Variants in PTK2 observed in about 807,000 individuals in gnomAD.
PTK2 encodes the protein protein tyrosine kinase 2.
Under a neutral mutation model 150.1 loss-of-function variants are expected in PTK2, and 45 were observed. The observed-to-expected ratio is 0.30, with a 90% CI of 0.24 to 0.38. PTK2 has a LOEUF of 0.38. Ranked by LOEUF, PTK2 falls within the 10% of genes least tolerant of loss-of-function variation. PTK2 has a pLI of 1.00. For missense variants in PTK2, 919 were observed against 1,307.3 expected, an observed-to-expected ratio of 0.70 and a Z score of 4.58; for synonymous variants, 432 against 449.2, an observed-to-expected ratio of 0.96 and a Z score of 0.48.
intron 31 of PTK2, chr8:140,660,547 AAC>A (rs2078059025): frequency 2.2e-6 from 1 of 449,682 alleles, no homozygotes; most frequent in Non-Finnish European, 4.5e-6. Context: ...AACATGGTGA[AAC>A]CCCATCTCTA....
chr8:140,967,444 TC>T, intron 1 of PTK2, among the ~76,000 whole-genome samples: 1 of 136,436 alleles, frequency 7.3e-6, no homozygotes, highest in East Asian at 2.1e-4. Flanking sequence ...ACCCAGTATT[TC>T]TTTCTTTCTT....
At chr8:140,759,907 G>C (rs1399553422) in intron 16 of PTK2, among the ~76,000 whole-genome samples, 2 of 150,256 alleles carry the variant, frequency 1.3e-5, no homozygotes, top group Admixed American at 1.3e-4. Flanking sequence ...CCACTAATAG[G>C]CATATACAAA....
intron 2 of PTK2, among the ~76,000 whole-genome samples, chr8:140,906,923 C>T (rs1168343591): frequency 3.4e-4 from 52 of 152,036 alleles, no homozygotes; most frequent in Non-Finnish European, 5.9e-5. Flanking sequence ...TATTTACATA[C>T]CAATAACAAG....
At chr8:140,852,566 T>C (rs1314627443) in intron 5 of PTK2, among the ~76,000 whole-genome samples, 1 of 152,232 alleles carries the variant, frequency 6.6e-6, no homozygotes, top group Non-Finnish European at 1.5e-5. Context: ...TGGTAATTAC[T>C]GGACTGTATA....
intron 2 of PTK2, among the ~76,000 whole-genome samples, chr8:140,895,239 T>C (rs2100155686): frequency 1.3e-5 from 2 of 152,190 alleles, no homozygotes; most frequent in South Asian, 2.1e-4. Context: ...GTAAAATCTA[T>C]ACATTTGGCA....
chr8:140,816,835 A>T (rs1158994956), intron 10 of PTK2, among the ~76,000 whole-genome samples: 1 of 152,238 alleles, frequency 6.6e-6, no homozygotes, highest in African/African-American at 2.4e-5. Context: ...TAGTACTCTC[A>T]CACACTGCCA....
chr8:140,913,751 G>C (rs1295875128), intron 2 of PTK2, among the ~76,000 whole-genome samples: 3 of 152,092 alleles, frequency 2.0e-5, no homozygotes, highest in African/African-American at 7.2e-5. Flanking sequence ...GTTCAATATT[G>C]TTCATAAGTC....
rs1240165039 is a variant in PTK2, at chr8:140,914,256, T to TA, written c.-33+11404dup. On this transcript the variant is annotated intron_variant, in intron 2 of 31. Coordinates refer to ENST00000522684, the Ensembl canonical transcript of PTK2. The stretch of plus-strand genomic sequence containing the variant: ...TATTCAGGGATAACTGTTTTAAAGT[T>TA]AGATTTTTCTCTAACTGAAAACTGT... Among the ~76,000 whole-genome samples the TA allele has an allele frequency of 2.0e-4, 30 of 152,132 alleles. 1 individual carries two copies. Among genetic ancestry groups the TA allele is most frequent in the Admixed American group, 4.6e-4 (7 of 15,270 alleles).
At chr8:140,915,661 C>T (rs2100164960) in intron 2 of PTK2, among the ~76,000 whole-genome samples, 2 of 152,014 alleles carry the variant, frequency 1.3e-5, no homozygotes, top group African/African-American at 4.8e-5. Context: ...CTTTGGGAGG[C>T]CAAGGCAGGC....
intron 29 of PTK2, among the ~76,000 whole-genome samples, chr8:140,671,953 C>A (rs573684722): frequency 2.7e-5 from 4 of 150,190 alleles, no homozygotes; most frequent in Admixed American, 6.6e-5. Flanking sequence ...GGGCGGGAAT[C>A]TTTACTTAAT....
At chr8:140,950,712 A>G (rs2100179295) in intron 1 of PTK2, among the ~76,000 whole-genome samples, 1 of 152,222 alleles carries the variant, frequency 6.6e-6, no homozygotes, top group East Asian at 1.9e-4. Flanking sequence ...ATCCTGTGAC[A>G]CTATTAGTAG....
At chr8:140,771,844 G>A (rs1367775798) in intron 14 of PTK2, among the ~76,000 whole-genome samples, 2 of 149,184 alleles carry the variant, frequency 1.3e-5, no homozygotes, top group South Asian at 2.1e-4. Context: ...GCAATGGCAC[G>A]ATCTTGGCTC....
At chr8:140,800,412 A>G (rs1164364126) in intron 12 of PTK2, 47 bp downstream of exon 12, 3 of 1,469,104 alleles carry the variant, frequency 2.0e-6, no homozygotes, top group Non-Finnish European at 2.9e-6. Flanking sequence ...GCACAGCTAA[A>G]TATTTGGTAG....
At chr8:140,715,892 T>C (rs927468897) in intron 23 of PTK2, among the ~76,000 whole-genome samples, 1 of 152,108 alleles carries the variant, frequency 6.6e-6, no homozygotes, top group African/African-American at 2.4e-5. Context: ...TGAACCTAAT[T>C]TGGAAAATTA....
chr8:140,753,852 C>T (rs958570036), intron 16 of PTK2, among the ~76,000 whole-genome samples: 1 of 152,182 alleles, frequency 6.6e-6, no homozygotes, highest in East Asian at 1.9e-4. Context: ...AGCACTGATG[C>T]ATACTATATG....
intron 1 of PTK2, among the ~76,000 whole-genome samples, chr8:140,934,979 T>C (rs993799183): frequency 2.0e-5 from 3 of 152,212 alleles, no homozygotes; most frequent in African/African-American, 7.2e-5. Flanking sequence ...ATTTTGAAGT[T>C]TGAATCAGCA....
In PTK2 at chr8:140,946,853, C is replaced by A. The variant is rs1003379682; in HGVS notation, c.-121-21104G>T. Among the ~76,000 whole-genome samples the A allele has an allele frequency of 2.6e-5, 4 of 152,288 alleles. No individual in the cohort carries two copies. The East Asian group carries it at 5.8e-4, about 22-fold the overall frequency. On this transcript the variant is annotated intron_variant, in intron 1 of 31. Coordinates refer to ENST00000522684, the Ensembl canonical transcript of PTK2. ...ATACATCTATCTAAAGCAATTAGAA[C>A]CATGCCAAGCACTTAGTAAAAGTTC... is the stretch of plus-strand genomic sequence containing the variant.
At chr8:140,668,246 T>C (rs756452620) in intron 30 of PTK2, 23 bp downstream of exon 34, 2 of 1,613,736 alleles carry the variant, frequency 1.2e-6, no homozygotes, top group Non-Finnish European at 1.7e-6. Context: ...TTTTTGCCAG[T>C]ACACAAAATG....
rs535581549 is a variant in PTK2, at chr8:140,715,415, G to T, written c.2142+2183C>A. ...TCGAATTCCTGACCTCAGGTGATCT[G>T]CTCGCCTCGGCCTCCCAAAGTGCTG... is the stretch of plus-strand genomic sequence containing the variant. On this transcript the variant is annotated intron_variant, in intron 23 of 31. Coordinates refer to ENST00000522684, the Ensembl canonical transcript of PTK2. 3.9e-5 allele frequency among the ~76,000 whole-genome samples: 6 copies of T among 151,958 alleles called. No homozygotes were observed. The South Asian group carries it at 1.2e-3, about 32-fold the overall frequency.
Sources: allele counts gnomAD v4.1 joint callset (sites outside exome capture counted in the v4.1 genomes callset), GRCh38; gene constraint gnomAD v4.1.1; transcripts MANE v1.5; gene names NCBI Gene and HGNC (gene_info 2026-07-23, HGNC 2026-07-21).